The following SHISA9 variants were observed in gnomAD, a reference collection of about 807,000 sequenced individuals.
SHISA9 encodes the protein protein shisa-9.
In SHISA9, 13 loss-of-function variants were observed where a neutral mutation model predicts 38.0. The observed-to-expected ratio is 0.34, with a 90% CI of 0.22 to 0.54. SHISA9 has a LOEUF of 0.54. Among genes scored for constraint, SHISA9 ranks in the 20% least tolerant of loss-of-function variants. The pLI is 0.91. For missense variants in SHISA9, 538 were observed against 575.8 expected (o/e 0.93, Z 0.67); for synonymous variants, 275 against 242.0 (o/e 1.14, Z -1.27).
chr16:13,267,881 T>G, the SHISA9 span, among the ~76,000 whole-genome samples: 4 of 151,860 alleles, frequency 2.6e-5, no homozygotes, highest in Non-Finnish European at 5.9e-5. Flanking sequence ...TCAGGTTTTT[T>G]TTTTTTTTTT....
In SHISA9 at chr16:13,162,212, T is replaced by G. The variant is rs532153159; in HGVS notation, c.692-41182T>G. On this transcript the variant is annotated intron_variant, in intron 2 of 4. Transcript: ENST00000558583. ...AGACAGCTTTCTCCTGGGGACAGAG[T>G]GTATGCATATTATTCTCAGGTTCTT... Among the ~76,000 whole-genome samples, 121 of 152,142 alleles carry G rather than the reference T, an allele frequency of 8.0e-4. 1 individual carries two copies. The highest frequency in any genetic ancestry group is 1.5e-3 in the Non-Finnish European group (100 of 67,994).
Position 12,931,056 on chromosome 16 carries a change from A to G in SHISA9, c.691+14241A>G, listed in dbSNP as rs1032653131. 2.6e-5 allele frequency among the ~76,000 whole-genome samples: 4 copies of G among 152,302 alleles called. No homozygotes were observed. The East Asian group carries it at 7.7e-4, about 29-fold the overall frequency. On this transcript the variant is annotated intron_variant, in intron 2 of 4. Transcript: ENST00000558583. ...AGCAAAATCAGGTCAAGCTAAGAAAAGCACTTAAGAACAAAAGATGCAGTC... is the reference window on the plus strand; with the variant it reads ...AGCAAAATCAGGTCAAGCTAAGAAAGGCACTTAAGAACAAAAGATGCAGTC...
intron 2 of SHISA9, among the ~76,000 whole-genome samples, chr16:13,138,992 T>G (rs1041140178): frequency 1.4e-4 from 21 of 152,142 alleles, no homozygotes; most frequent in African/African-American, 5.1e-4. Context: ...GAGGAAGATG[T>G]AGCTGATGCA....
At chr16:13,061,722 A>G (rs1243740585) in intron 2 of SHISA9, among the ~76,000 whole-genome samples, 1 of 152,226 alleles carries the variant, frequency 6.6e-6, no homozygotes, top group Non-Finnish European at 1.5e-5. Context: ...AACCAGCTAC[A>G]TAATAACGTC....
At chr16:13,068,914 G>C (rs549469635) in intron 2 of SHISA9, among the ~76,000 whole-genome samples, 30 of 152,236 alleles carry the variant, frequency 2.0e-4, no homozygotes, top group African/African-American at 6.0e-4. Context: ...ATGTGTGTAT[G>C]TGTATACGTG....
chr16:13,417,962 C>T, the SHISA9 span, among the ~76,000 whole-genome samples: 1 of 152,178 alleles, frequency 6.6e-6, no homozygotes, highest in Non-Finnish European at 1.5e-5. Context: ...CTACCTAAAC[C>T]CCATCTCACA....
At chr16:13,409,829 T>C in the SHISA9 span, among the ~76,000 whole-genome samples, 1 of 152,186 alleles carries the variant, frequency 6.6e-6, no homozygotes, top group Non-Finnish European at 1.5e-5. Flanking sequence ...TTTCAAAAAA[T>C]ATGCGAACAT....
At chr16:13,385,367 T>C in the SHISA9 span, among the ~76,000 whole-genome samples, 29 of 152,202 alleles carry the variant, frequency 1.9e-4, no homozygotes, top group Admixed American at 1.9e-3. Context: ...GCTTTATTCA[T>C]AGTAGCCCCA....
intron 2 of SHISA9, among the ~76,000 whole-genome samples, chr16:12,944,948 G>A (rs1422823601): frequency 2.6e-5 from 4 of 152,142 alleles, no homozygotes; most frequent in Non-Finnish European, 4.4e-5. Flanking sequence ...ACAACCATGG[G>A]CAACTGGAGC....
chr16:13,546,642 T>G, the SHISA9 span, among the ~76,000 whole-genome samples: 1 of 152,142 alleles, frequency 6.6e-6, no homozygotes, highest in Non-Finnish European at 1.5e-5. Flanking sequence ...GTAAAAGTCC[T>G]TTCTACTGCC....
chr16:13,483,193 C>G, the SHISA9 span, among the ~76,000 whole-genome samples: 11 of 152,130 alleles, frequency 7.2e-5, no homozygotes, highest in African/African-American at 2.4e-4. Context: ...AACAAGAGAG[C>G]CTCAAGTGGA....
chr16:13,201,313 C>T (rs1156476081), intron 2 of SHISA9, among the ~76,000 whole-genome samples: 2 of 135,680 alleles, frequency 1.5e-5, no homozygotes, highest in Non-Finnish European at 3.2e-5. Flanking sequence ...TGCATATAAC[C>T]TACTCACATC....
intron 2 of SHISA9, among the ~76,000 whole-genome samples, chr16:13,098,545 C>G (rs940639715): frequency 1.3e-5 from 2 of 152,168 alleles, no homozygotes; most frequent in Admixed American, 1.3e-4. Context: ...GGGAGGTTCT[C>G]TTTGTAAAAC....
chr16:13,088,225 C>T (rs913988002), intron 2 of SHISA9, among the ~76,000 whole-genome samples: 2 of 152,072 alleles, frequency 1.3e-5, no homozygotes, highest in African/African-American at 4.8e-5. Context: ...GTTACTGTGG[C>T]CTTGTAGTAT....
chr16:13,022,970 A>T (rs771776314), intron 2 of SHISA9, among the ~76,000 whole-genome samples: 35 of 152,132 alleles, frequency 2.3e-4, no homozygotes, highest in Non-Finnish European at 4.1e-4. Context: ...TCTTGAGATT[A>T]ACTTGATCAC....
At chr16:13,261,161 C>G in the SHISA9 span, among the ~76,000 whole-genome samples, 2 of 152,124 alleles carry the variant, frequency 1.3e-5, no homozygotes, top group African/African-American at 4.8e-5. Context: ...CAAACCGTAT[C>G]AAATGGTAAA....
chr16:12,958,659 C>G (rs761406548), intron 2 of SHISA9, among the ~76,000 whole-genome samples: 20 of 152,198 alleles, frequency 1.3e-4, no homozygotes, highest in Non-Finnish European at 2.6e-4. Flanking sequence ...TAGGCTTTTA[C>G]AGTTTTCAAA....
intron 2 of SHISA9, among the ~76,000 whole-genome samples, chr16:12,964,428 G>T (rs1458129870): frequency 6.7e-6 from 1 of 149,160 alleles, no homozygotes; most frequent in Non-Finnish European, 1.5e-5. Flanking sequence ...TTAAATAATA[G>T]AATTTATTAG....
At chr16:13,074,030 C>T (rs1468528085) in intron 2 of SHISA9, among the ~76,000 whole-genome samples, 3 of 142,758 alleles carry the variant, frequency 2.1e-5, no homozygotes, top group Non-Finnish European at 3.0e-5. Context: ...AATGCAGTGG[C>T]GTGATCTTGG....
Sources: gnomAD v4.1 joint callset for allele counts (sites outside exome capture counted in the v4.1 genomes callset) on GRCh38, gnomAD v4.1.1 for gene constraint, MANE v1.5 for transcripts, NCBI Gene and HGNC (gene_info 2026-07-23, HGNC 2026-07-21) for gene names.